The following TSPAN10 variants were observed in gnomAD, a reference collection of about 807,000 sequenced individuals.
TSPAN10 encodes the protein tetraspanin-10.
Under a neutral mutation model 15.0 loss-of-function variants are expected in TSPAN10, and 11 were observed. The ratio of observed to expected loss-of-function variants is 0.73; its 90% CI spans 0.46 to 1.21. The LOEUF (loss-of-function observed/expected upper bound fraction) is 1.21, where lower values mean the gene tolerates loss of function less well. Ranked by LOEUF, TSPAN10 falls within the 50% of genes most tolerant of loss-of-function variation. The pLI is 0.00. For synonymous variants in TSPAN10, 241 were observed against 226.2 expected, an observed-to-expected ratio of 1.07 and a Z score of -0.59; for missense variants, 486 against 470.6, an observed-to-expected ratio of 1.03 and a Z score of -0.30.
At chr17:81,642,312 C>A, upstream of TSPAN10, 3 of 1,423,766 alleles carry the variant, frequency 2.1e-6, no homozygotes, top group Non-Finnish European at 3.0e-6. Flanking sequence ...CACAGACTAG[C>A]CCAGGGCCGC....
At chr17:81,646,905 C>T (rs891046717) in intron 2 of TSPAN10, among the ~76,000 whole-genome samples, 1 of 151,602 alleles carries the variant, frequency 6.6e-6, no homozygotes, top group South Asian at 2.1e-4. Flanking sequence ...AGTGCAGTGG[C>T]TCGATCTCGG....
At chr17:81,640,059 T>A (rs1239741454), upstream of TSPAN10, among the ~76,000 whole-genome samples, 1 of 151,818 alleles carries the variant, frequency 6.6e-6, no homozygotes, top group African/African-American at 2.4e-5. Flanking sequence ...CGTGGCTCAC[T>A]GTAGCCTCGA....
chr17:81,642,493 C>T lies in TSPAN10; in HGVS notation c.36+45C>T, dbSNP rs368272873. ...CTTGCCCTGAGGTTGGAGATGTCCC[C>T]AGCCCTGAAGTCCTAAGGGAAGTCC... On this transcript the variant is annotated intron_variant, in intron 1 of 2. Coordinates refer to ENST00000611590, the Ensembl canonical transcript of TSPAN10. 5.3e-5 allele frequency: 83 copies of T among 1,577,504 alleles called. No homozygotes were observed. The African/African-American group carries it at 1.0e-3, about 20-fold the overall frequency.
chr17:81,644,893 C>T (rs1348466980), intron 1 of TSPAN10, 99 bp from the exon 3 acceptor site: 20 of 1,504,076 alleles, frequency 1.3e-5, no homozygotes, highest in Admixed American at 2.0e-5. Context: ...ATCCTCCCAT[C>T]CCTCGAAGGC....
chr17:81,645,247 G>T, exon 2 of TSPAN10: 1 of 1,534,140 alleles, frequency 6.5e-7, no homozygotes. Flanking sequence ...CCTGGCCATC[G>T]GGCTCTGGGG....
At position 81,644,158 on chromosome 17, in the gene TSPAN10, C is replaced by T. The variant is rs559568299; in HGVS notation, c.37-834C>T. Among the ~76,000 whole-genome samples the T allele has an allele frequency of 1.8e-3, 280 of 152,128 alleles. 1 individual carries two copies. The highest frequency in any genetic ancestry group is 2.7e-3 in the South Asian group (13 of 4,816). On this transcript the variant is annotated intron_variant, in intron 1 of 2. Coordinates refer to ENST00000611590, the Ensembl canonical transcript of TSPAN10. ...GCCACAACGTCCAGCCCGGCCATAG[C>T]TTCTTATTCTCCTTTTTAAAAAAAC...
exon 1 of TSPAN10, chr17:81,637,220 G>A (rs2036111386): frequency 2.1e-6 from 1 of 484,920 alleles, no homozygotes. Context: ...TGCAACTGGA[G>A]GAGGGGATTT....
chr17:81,640,412 T>G (rs555054990), upstream of TSPAN10, among the ~76,000 whole-genome samples: 20 of 152,186 alleles, frequency 1.3e-4, no homozygotes, highest in South Asian at 4.1e-3. Flanking sequence ...TGTCCCAATT[T>G]TCTTGTAAGG....
At chr17:81,637,387 A>T (rs1348154055) in exon 1 of TSPAN10, 2 of 700,728 alleles carry the variant, frequency 2.9e-6, no homozygotes, top group Non-Finnish European at 5.2e-6. Context: ...ACAGCATTCC[A>T]AACTTCTCTC....
chr17:81,639,850 G>T (rs1244105539), upstream of TSPAN10, among the ~76,000 whole-genome samples: 3 of 151,958 alleles, frequency 2.0e-5, no homozygotes, highest in East Asian at 5.8e-4. Context: ...CGTGGTGGCG[G>T]GTGCCTGTAG....
exon 2 of TSPAN10, chr17:81,645,179 G>A (rs550954401): frequency 9.0e-6 from 14 of 1,549,948 alleles, no homozygotes; most frequent in Non-Finnish European, 1.2e-5. Context: ...GGGAGCAGCT[G>A]CGTCAAGTAT....
At chr17:81,639,605 G>A (rs1598707629), upstream of TSPAN10, among the ~76,000 whole-genome samples, 1 of 151,666 alleles carries the variant, frequency 6.6e-6, no homozygotes, top group South Asian at 2.1e-4. Flanking sequence ...TTCTTTTAAG[G>A]CTGGGGTCTT....
At chr17:81,641,917 G>A (rs1447624069), upstream of TSPAN10, among the ~76,000 whole-genome samples, 2 of 152,136 alleles carry the variant, frequency 1.3e-5, no homozygotes, top group Non-Finnish European at 2.9e-5. Flanking sequence ...GGGGGACGCT[G>A]TTTCATTCGT....
chr17:81,645,241 G>C (rs749071101), exon 2 of TSPAN10: 3 of 1,536,540 alleles, frequency 2.0e-6, no homozygotes, highest in Non-Finnish European at 2.6e-6. Context: ...GCTGGCCCTG[G>C]CCATCGGGCT....
At chr17:81,639,941 C>T (rs2036163323), upstream of TSPAN10, among the ~76,000 whole-genome samples, 3 of 151,684 alleles carry the variant, frequency 2.0e-5, no homozygotes, top group African/African-American at 7.3e-5. Context: ...GATCACGCCA[C>T]TGCGCTCCAG....
chr17:81,638,971 G>A (rs2036150068), upstream of TSPAN10: 1 of 151,908 alleles, frequency 6.6e-6, no homozygotes, highest in African/African-American at 2.4e-5. Context: ...TAGGAAGGGA[G>A]TTTGTTTTGC....
upstream of TSPAN10, chr17:81,642,245 C>T (rs554471007): frequency 4.8e-6 from 3 of 623,696 alleles, no homozygotes; most frequent in East Asian, 5.8e-5. Flanking sequence ...AACTGTGACT[C>T]CGGCATCTGG....
At chr17:81,645,298 C>T (rs753180923) in exon 2 of TSPAN10, 1 of 1,538,124 alleles carries the variant, frequency 6.5e-7, no homozygotes, top group Non-Finnish European at 8.7e-7. Context: ...TCTGGGGGGG[C>T]CCCTGCCCGC....
chr17:81,641,742 C>T (rs1205861913), upstream of TSPAN10, among the ~76,000 whole-genome samples: 2 of 117,520 alleles, frequency 1.7e-5, no homozygotes, highest in African/African-American at 7.3e-5. Context: ...ACAGCAGAAC[C>T]CTGTCTCTAC....
Sources: gnomAD v4.1 joint callset for allele counts (sites outside exome capture counted in the v4.1 genomes callset) on GRCh38, gnomAD v4.1.1 for gene constraint, MANE v1.5 for transcripts, NCBI Gene and HGNC (gene_info 2026-07-23, HGNC 2026-07-21) for gene names.